INPP5A: variants seen among roughly 807,000 people sequenced by gnomAD.
INPP5A encodes the protein inositol polyphosphate-5-phosphatase A.
In INPP5A, 14 loss-of-function variants were observed where a neutral mutation model predicts 65.2. The observed-to-expected ratio is 0.21, with a 90% CI of 0.14 to 0.34. The LOEUF is 0.34. Ranked by LOEUF, INPP5A falls within the 10% of genes least tolerant of loss-of-function variation. INPP5A has a pLI of 1.00. For missense variants in INPP5A, 431 were observed against 545.6 expected (o/e 0.79, Z 2.09); for synonymous variants, 207 against 208.3 (o/e 0.99, Z 0.05).
intron 8 of INPP5A, 119 bp from the exon 9 acceptor site, chr10:132,726,702 C>T: frequency 1.4e-6 from 1 of 713,934 alleles, no homozygotes; most frequent in South Asian, 1.8e-5. Flanking sequence ...TGAGGTTCCC[C>T]TGCAGCAGGT....
At chr10:132,673,977 C>A (rs2072929435) in intron 4 of INPP5A, among the ~76,000 whole-genome samples, 1 of 152,222 alleles carries the variant, frequency 6.6e-6, no homozygotes, top group Non-Finnish European at 1.5e-5. Flanking sequence ...CCATGGGTAC[C>A]CTCCATTCCT....
chr10:132,581,274 G>A (rs912366725), intron 1 of INPP5A, among the ~76,000 whole-genome samples: 3 of 152,174 alleles, frequency 2.0e-5, no homozygotes, highest in African/African-American at 4.8e-5. Flanking sequence ...TTCTCCTGTC[G>A]ACAGGAGTTT....
intron 1 of INPP5A, among the ~76,000 whole-genome samples, chr10:132,596,723 C>T (rs1564928684): frequency 6.6e-6 from 1 of 152,164 alleles, no homozygotes; most frequent in Non-Finnish European, 1.5e-5. Flanking sequence ...AGCCACCACG[C>T]CCGGCCCATG....
chr10:132,557,826 A>C (rs926747282), intron 1 of INPP5A, among the ~76,000 whole-genome samples: 1 of 152,130 alleles, frequency 6.6e-6, no homozygotes, highest in Non-Finnish European at 1.5e-5. Flanking sequence ...TAAAGTGTGC[A>C]TCTTACCCTG....
intron 11 of INPP5A, among the ~76,000 whole-genome samples, chr10:132,756,657 CTG>C (rs142474866): frequency 0.032 from 4,816 of 152,352 alleles, 111 homozygotes; most frequent in Non-Finnish European, 0.049. Flanking sequence ...CAACAAACAA[CTG>C]TGTTACTGGT....
chr10:132,777,859 A>G (rs770221194), intron 13 of INPP5A, 77 bp downstream of exon 13: 38 of 1,563,046 alleles, frequency 2.4e-5, no homozygotes, highest in Non-Finnish European at 3.3e-5. Context: ...CCCTGGTGAC[A>G]GGGCCCCAGG....
At chr10:132,646,467 G>C (rs1017240717) in intron 3 of INPP5A, among the ~76,000 whole-genome samples, 1 of 152,174 alleles carries the variant, frequency 6.6e-6, no homozygotes, top group Admixed American at 6.5e-5. Flanking sequence ...TGCCTGGGAA[G>C]AGGGGGCGCC....
chr10:132,641,905 G>A (rs951862025), intron 2 of INPP5A, among the ~76,000 whole-genome samples: 13 of 152,208 alleles, frequency 8.5e-5, no homozygotes, highest in African/African-American at 1.2e-4. Context: ...TTTCTGAAGC[G>A]TCCTCTCACT....
intron 8 of INPP5A, among the ~76,000 whole-genome samples, chr10:132,721,714 C>T (rs1378848310): frequency 7.0e-6 from 1 of 143,294 alleles, no homozygotes; most frequent in African/African-American, 3.0e-5. Flanking sequence ...TGGGTTCTGT[C>T]TGGGCGCCTT....
In INPP5A at chr10:132,607,739, C is replaced by T. The variant is rs977520161; in HGVS notation, c.76-176C>T. ...CACAGAGCGGAGCCCCCACACAGAG[C>T]GGGGTCCCCGCGTGGGCCTGGGGTT... is the stretch of plus-strand genomic sequence containing the variant. On this transcript the variant is annotated intron_variant, in intron 1 of 15. Coordinates refer to ENST00000368594, the MANE Select transcript of INPP5A (RefSeq NM_005539.5). 2.0e-5 allele frequency among the ~76,000 whole-genome samples: 3 copies of T among 152,250 alleles called. No individual in the cohort carries two copies. The South Asian group carries it at 6.2e-4, about 31-fold the overall frequency.
intron 12 of INPP5A, among the ~76,000 whole-genome samples, chr10:132,768,071 A>G (rs58893453): frequency 1.1e-3 from 95 of 83,906 alleles, no homozygotes; most frequent in East Asian, 1.3e-3. Flanking sequence ...CACGCACCCA[A>G]TGGCATTCCA....
intron 8 of INPP5A, among the ~76,000 whole-genome samples, chr10:132,711,836 A>G (rs1026576659): frequency 6.6e-6 from 1 of 152,194 alleles, no homozygotes; most frequent in Non-Finnish European, 1.5e-5. Flanking sequence ...AGAGGCAGGG[A>G]TTGGCAGGCA....
chr10:132,774,136 G>A (rs4880425), intron 12 of INPP5A, among the ~76,000 whole-genome samples: 68,739 of 152,022 alleles, frequency 0.45, 17,162 homozygotes, highest in East Asian at 0.77. Flanking sequence ...AGCTGTAATC[G>A]TTTAGTTCTT....
At chr10:132,745,686 A>G (rs1846357801) in intron 9 of INPP5A, among the ~76,000 whole-genome samples, 1 of 127,468 alleles carries the variant, frequency 7.8e-6, no homozygotes, top group Non-Finnish European at 1.7e-5. Flanking sequence ...GGCTTCAGGC[A>G]TGGTGGCCTC....
rs1307526171 is a variant in INPP5A, at chr10:132,687,116, TG to T, written c.307-3275del. 3.9e-5 allele frequency among the ~76,000 whole-genome samples: 6 copies of T among 152,332 alleles called. No individual in the cohort carries two copies. In the South Asian group the frequency reaches 1.0e-3, roughly 26 times the overall value. On this transcript the variant is annotated intron_variant, in intron 4 of 15. Coordinates refer to ENST00000368594, the MANE Select transcript of INPP5A (RefSeq NM_005539.5). The stretch of plus-strand genomic sequence containing the variant: ...CATGCCACCACGCCTGGCTGATTTT[TG>T]TACTTTTAGTAAAGACGGGGTTTCA...
intron 9 of INPP5A, among the ~76,000 whole-genome samples, chr10:132,749,105 A>T (rs990838426): frequency 9.2e-5 from 14 of 152,358 alleles, no homozygotes; most frequent in African/African-American, 2.2e-4. Context: ...CCGTTGTCAC[A>T]GTCGAACAGC....
At chr10:132,756,203 G>T (rs918780707) in intron 11 of INPP5A, among the ~76,000 whole-genome samples, 2 of 152,112 alleles carry the variant, frequency 1.3e-5, no homozygotes, top group Admixed American at 1.3e-4. Flanking sequence ...ATGTGTGTGC[G>T]TGTACATGTG....
At chr10:132,701,850 G>T (rs1383926221) in intron 6 of INPP5A, among the ~76,000 whole-genome samples, 5 of 152,234 alleles carry the variant, frequency 3.3e-5, no homozygotes, top group Non-Finnish European at 5.9e-5. Context: ...TTGGGGCGGT[G>T]GTTCCCGTTC....
At chr10:132,560,378 T>C (rs1335625215) in intron 1 of INPP5A, among the ~76,000 whole-genome samples, 2 of 152,198 alleles carry the variant, frequency 1.3e-5, no homozygotes, top group Non-Finnish European at 2.9e-5. Context: ...TTTTCGTTCT[T>C]GTGAGCAGTG....
Sources: gnomAD v4.1 joint callset for allele counts (sites outside exome capture counted in the v4.1 genomes callset) on GRCh38, gnomAD v4.1.1 for gene constraint, MANE v1.5 for transcripts, NCBI Gene and HGNC (gene_info 2026-07-23, HGNC 2026-07-21) for gene names.